ATN1: variants seen among roughly 807,000 people sequenced by gnomAD.
ATN1 encodes the protein atrophin-1.
In ATN1, 19 loss-of-function variants were observed where a neutral mutation model predicts 85.8. The ratio of observed to expected loss-of-function variants is 0.22; its 90% CI spans 0.15 to 0.32. The LOEUF (loss-of-function observed/expected upper bound fraction) is 0.32. Ranked by LOEUF, ATN1 falls within the 10% of genes least tolerant of loss-of-function variation. ATN1 has a pLI of 1.00. For missense variants in ATN1, 1,453 were observed against 1,564.5 expected, an observed-to-expected ratio of 0.93 and a Z score of 1.20; for synonymous variants, 674 against 657.0, an observed-to-expected ratio of 1.03 and a Z score of -0.39.
At chr12:6,939,594 C>A (rs782738311) in intron 7 of ATN1, among the ~76,000 whole-genome samples, 1 of 152,120 alleles carries the variant, frequency 6.6e-6, no homozygotes, top group Non-Finnish European at 1.5e-5. Flanking sequence ...CTCGACTTCC[C>A]GGTCTCAAGT....
In ATN1 at chr12:6,939,110, C is replaced by G. The variant is rs183865782; in HGVS notation, c.3147C>G (p.Pro1049=). The G allele has an allele frequency of 1.2e-6, 2 of 1,601,240 alleles. No homozygotes were observed. Among genetic ancestry groups the G allele is most frequent in the South Asian group, 1.1e-5 (1 of 91,088 alleles). ...LARLQMLNVT[P]HHHQHSHIHS... ...GGCTGCAGATGCTCAATGTGACTCC[C>G]CATCACCACCAGCACTCCCACATCC... Residue 1049 remains proline (P), a synonymous_variant, in exon 7 of 10, where the codon CCC becomes CCG. Transcript: ENST00000396684.
At chr12:6,927,598 C>A (rs782417482), upstream of ATN1, among the ~76,000 whole-genome samples, 4 of 150,956 alleles carry the variant, frequency 2.6e-5, no homozygotes, top group South Asian at 8.4e-4. Context: ...GCGCCCCGGC[C>A]CCCTCGGCCT....
At position 6,936,353 on chromosome 12, in the gene ATN1, T is replaced by C; in HGVS notation, c.1086T>C (p.Ala362=). 6.2e-7 allele frequency: 1 copy of C among 1,613,886 alleles called. No homozygotes were observed. Among genetic ancestry groups the C allele is most frequent in the South Asian group, 1.1e-5 (1 of 91,076 alleles). The part of the protein sequence containing the change: ...LAPSPHSLPP[A]SSSAPAPPMR... Reference sequence around the variant, plus strand: ...CTTCACCCCACTCTCTGCCTCCTGCTTCCTCTTCTGCTCCAGCGCCCCCCA... The same window carrying C: ...CTTCACCCCACTCTCTGCCTCCTGCCTCCTCTTCTGCTCCAGCGCCCCCCA... The change falls in exon 5 of 10, where the codon GCT becomes GCC. Residue 362 remains alanine, a synonymous_variant. Coordinates refer to ENST00000396684, the MANE Select transcript of ATN1 (RefSeq NM_001940.4).
chr12:6,929,677 T>G (rs1945437702), intron 1 of ATN1, among the ~76,000 whole-genome samples: 1 of 152,186 alleles, frequency 6.6e-6, no homozygotes, highest in African/African-American at 2.4e-5. Context: ...CCCTTTCATG[T>G]TGAAGTCTGT....
rs782598917 is a variant in ATN1 at position 6,931,808 on chromosome 12, C to A, written c.-162-2032C>A. ...CAGCACTTGGGAAGGCCGAGGCAGGCAGATCACCTGAGGTCAGTAGTTCGA... is the reference window on the plus strand; with the variant it reads ...CAGCACTTGGGAAGGCCGAGGCAGGAAGATCACCTGAGGTCAGTAGTTCGA... On this transcript the variant is annotated intron_variant, in intron 1 of 9. Coordinates refer to ENST00000396684, the MANE Select transcript of ATN1 (RefSeq NM_001940.4). 4.0e-5 allele frequency among the ~76,000 whole-genome samples: 6 copies of A among 150,974 alleles called. No individual in the cohort carries two copies. The East Asian group carries it at 1.2e-3, about 30-fold the overall frequency.
At position 6,935,792 on chromosome 12, in the gene ATN1, C is replaced by T; in HGVS notation, c.525C>T (p.Thr175=). 1.9e-6 allele frequency: 3 copies of T among 1,613,900 alleles called. No homozygotes were observed. Among genetic ancestry groups the T allele is most frequent in the South Asian group, 2.2e-5 (2 of 91,076 alleles). The change falls in exon 5 of 10, where the codon ACC becomes ACT. Residue 175 remains threonine (T), a synonymous_variant. Transcript: ENST00000396684. This position sits in a 1 kb window ranked among gnomAD's most constrained non-coding sequence, Gnocchi z 5.3. The part of the protein sequence containing the change: ...FPPSPQPPDS[T]PRQPEASFEP... ...CTTCCCCTCAACCGCCAGACAGCAC[C>T]CCTCGACAGCCAGAGGCTAGCTTTG...
upstream of ATN1, among the ~76,000 whole-genome samples, chr12:6,927,656 C>T (rs1945411805): frequency 6.6e-6 from 1 of 151,668 alleles, no homozygotes; most frequent in South Asian, 2.1e-4. Flanking sequence ...GGCTCCCCCT[C>T]TCTCCCCCCT....
chr12:6,938,559 G>A lies in ATN1; in HGVS notation c.2596G>A (p.Gly866Ser), dbSNP rs782122996. 1.2e-5 allele frequency: 19 copies of A among 1,614,090 alleles called. No homozygotes were observed. The South Asian group carries it at 1.9e-4, about 16-fold the overall frequency. ...GCCCCATCGCCCTCCATTTGAACCG[G>A]GCAGTGCGGTGGCTACAGTGCCCCC... ...PVPHRPPFEP[G>S]SAVATVPPYL... is the part of the protein sequence containing the mutation. The change falls in exon 7 of 10, where the codon GGC becomes AGC. Residue 866 changes from glycine to serine, a missense_variant. Gly to Ser is a moderately conservative substitution (Grantham distance 56). Transcript: ENST00000396684.
chr12:6,927,057 C>T (rs1459174295), upstream of ATN1, among the ~76,000 whole-genome samples: 1 of 151,916 alleles, frequency 6.6e-6, no homozygotes, highest in African/African-American at 2.4e-5. Context: ...CTTAAGGTTC[C>T]TCACGCGTTC....
rs1555143343 is a variant in ATN1 at position 6,934,460 on chromosome 12, A to C, written c.166-5A>C. 1.1e-5 allele frequency: 18 copies of C among 1,594,036 alleles called. No homozygotes were observed. Among genetic ancestry groups the C allele is most frequent in the Admixed American group, 1.8e-5 (1 of 56,780 alleles). On this transcript the variant is annotated splice_polypyrimidine_tract_variant and splice_region_variant and intron_variant, in intron 3 of 9. Coordinates refer to ENST00000396684, the MANE Select transcript of ATN1 (RefSeq NM_001940.4). This position sits in a 1 kb window ranked among gnomAD's most constrained non-coding sequence, Gnocchi z 4.5. ...AGACAGGAATTTTCTCTTTCTCTCT[A>C]ACAGAAGGCCCGAGTAGAGGAAGCC... is the stretch of plus-strand genomic sequence containing the variant.
Position 6,936,191 on chromosome 12 carries a change from A to G in ATN1, c.924A>G (p.Arg308=). Residue 308 remains arginine (R), a synonymous_variant, in exon 5 of 10, where the codon AGA becomes AGG. Coordinates refer to ENST00000396684, the MANE Select transcript of ATN1 (RefSeq NM_001940.4). ...TPNLPPPPAL[R]PLNNASASPP... ...ACCTGCCTCCCCCACCTGCCCTGAGACCCCTCAACAATGCATCAGCCTCTC... is the reference window on the plus strand; with the variant it reads ...ACCTGCCTCCCCCACCTGCCCTGAGGCCCCTCAACAATGCATCAGCCTCTC... 1 of 1,570,650 alleles carries G rather than the reference A, an allele frequency of 6.4e-7. No individual in the cohort carries two copies. The highest frequency in any genetic ancestry group is 8.6e-7 in the Non-Finnish European group (1 of 1,157,968).
rs1371785924 is a variant in ATN1 at position 6,938,925 on chromosome 12, C to T, written c.2962C>T (p.Pro988Ser). ...ALQPGPPGLH[P>S]FPFHPSLGPL... The stretch of plus-strand genomic sequence containing the variant: ...GCAGCCTGGCCCACCTGGCCTGCAC[C>T]CTTTCCCCTTTCATCCGAGCCTGGG... Residue 988 changes from proline to serine, a missense_variant, in exon 7 of 10, where the codon CCT becomes TCT. Pro to Ser is a moderately conservative substitution (Grantham distance 74). Around this residue, in one of 6 missense-constraint regions of ATN1, gnomAD observed 208 missense variants for 263.4 expected, o/e 0.79. Transcript: ENST00000396684. 6.2e-7 allele frequency: 1 copy of T among 1,613,938 alleles called. No homozygotes were observed. The highest frequency in any genetic ancestry group is 8.5e-7 in the Non-Finnish European group (1 of 1,180,020).
upstream of ATN1, among the ~76,000 whole-genome samples, chr12:6,925,503 G>A (rs1945391182): frequency 6.6e-6 from 1 of 152,116 alleles, no homozygotes. Flanking sequence ...TAGAGCAAGA[G>A]GAAGGGAGTC....
Position 6,938,739 on chromosome 12 carries a change from A to G in ATN1, c.2776A>G (p.Ser926Gly). ...TTACAATGTCCCGGCCCTGTACAGC[A>G]GTGATCCAGCTGCCCGGGAGAGGGA... is the stretch of plus-strand genomic sequence containing the variant. ...LGYNVPALYSSDPAARERERE... is the reference protein window; with the variant it reads ...LGYNVPALYSGDPAARERERE... Residue 926 changes from serine (S) to glycine (G), a missense_variant, in exon 7 of 10, where the codon AGT becomes GGT. This residue lies in a region of ATN1 where 208 missense variants were observed against 263.4 expected (regional missense o/e 0.79). Transcript: ENST00000396684. The G allele has an allele frequency of 6.2e-7, 1 of 1,614,032 alleles. No homozygotes were observed. The highest frequency in any genetic ancestry group is 8.5e-7 in the Non-Finnish European group (1 of 1,180,030).
rs1490517407 is a variant in ATN1, at chr12:6,934,334, C to T, written c.165+21C>T. On this transcript the variant is annotated intron_variant, in intron 3 of 9. Transcript: ENST00000396684. The surrounding 1 kb of genome is among the most constrained non-coding windows in gnomAD (Gnocchi z 4.5). ...CCAAGGTATTCTGTCCTCAGGTCCT[C>T]CCACAGGATGCCCAAGGCACTGGGG... 1 of 1,570,774 alleles carries T rather than the reference C, an allele frequency of 6.4e-7. No individual in the cohort carries two copies. The highest frequency in any genetic ancestry group is 8.6e-7 in the Non-Finnish European group (1 of 1,162,446).
intron 1 of ATN1, among the ~76,000 whole-genome samples, chr12:6,930,917 T>A (rs1396522844): frequency 6.6e-6 from 1 of 152,206 alleles, no homozygotes; most frequent in Non-Finnish European, 1.5e-5. Context: ...AGTGATTGCC[T>A]GCTAGGAGTG....
rs1317635463 is a variant in ATN1, at chr12:6,934,612, T to C, written c.279+34T>C. ...CCCTTGTCGCCATCCTGACCCATCT[T>C]GTGACCATTCTTTTCTCAGACTTGC... On this transcript the variant is annotated intron_variant, in intron 4 of 9. Transcript: ENST00000396684. The surrounding 1 kb of genome is among the most constrained non-coding windows in gnomAD (Gnocchi z 4.5). 7 of 1,462,902 alleles carry C rather than the reference T, an allele frequency of 4.8e-6. No individual in the cohort carries two copies. In the African/African-American group the frequency reaches 9.8e-5, roughly 21 times the overall value. 90.6% of individuals were successfully genotyped at this position (1,462,902 alleles called of 1,614,324 possible). A position where few individuals can be genotyped will look rare whatever the true frequency, so the allele number is the denominator to read the frequency against.
In ATN1 at chr12:6,941,933, G is replaced by A; in HGVS notation, c.*153G>A. ...GCTGGACAGAGAGTGGGGGAGGGAG[G>A]GACAGACAGAAGGCCAAGGCCCGAT... On this transcript the variant is annotated 3_prime_UTR_variant, in exon 10 of 10. Coordinates refer to ENST00000396684, the MANE Select transcript of ATN1 (RefSeq NM_001940.4). The surrounding 1 kb of genome is among the most constrained non-coding windows in gnomAD (Gnocchi z 5.9). The A allele has an allele frequency of 1.3e-6, 1 of 769,810 alleles. No individual in the cohort carries two copies. Among genetic ancestry groups the A allele is most frequent in the Admixed American group, 2.3e-5 (1 of 42,820 alleles). 47.7% of individuals were successfully genotyped at this position (769,810 alleles called of 1,614,324 possible).
upstream of ATN1, among the ~76,000 whole-genome samples, chr12:6,925,141 T>TGTGTGA (rs1445451270): frequency 4.9e-3 from 721 of 147,620 alleles, 1 homozygote; most frequent in Middle Eastern, 0.021. Flanking sequence ...TGTGTGTGTG[T>TGTGTGA]GAGAGAGAGA....
Sources: gnomAD v4.1 joint callset for allele counts (sites outside exome capture counted in the v4.1 genomes callset) on GRCh38, gnomAD v4.1.1 for gene constraint, gnomAD v4.1.1 regional missense constraint, Gnocchi (gnomAD v3.1) non-coding constraint, MANE v1.5 for transcripts, NCBI Gene and HGNC (gene_info 2026-07-23, HGNC 2026-07-21) for gene names.